The following GRIA2 variants were observed in gnomAD, a reference collection of about 807,000 sequenced individuals.
GRIA2 encodes the protein glutamate ionotropic receptor AMPA type subunit 2.
A neutral mutation model predicts 97.3 loss-of-function variants in GRIA2; 14 were observed. That is an observed-to-expected ratio of 0.14 (90% CI 0.10 to 0.23). The LOEUF is 0.23. Among genes scored for constraint, GRIA2 ranks in the 10% least tolerant of loss-of-function variants. GRIA2 has a pLI of 1.00. For missense variants in GRIA2, 558 were observed against 1,069.8 expected (o/e 0.52, Z 6.67); for synonymous variants, 412 against 387.8 (o/e 1.06, Z -0.73).
intron 6 of GRIA2, among the ~76,000 whole-genome samples, chr4:157,330,139 T>C (rs1345152283): frequency 6.6e-6 from 1 of 151,952 alleles, no homozygotes. Context: ...TCTTGTAACA[T>C]AGACAGAAGA....
At chr4:157,362,566 T>C (rs1736678686) in intron 14 of GRIA2, 1 of 604,746 alleles carries the variant, frequency 1.7e-6, no homozygotes, top group Non-Finnish European at 3.0e-6. Flanking sequence ...TAAATAGAAG[T>C]TTATTCCCTG....
intron 3 of GRIA2, among the ~76,000 whole-genome samples, chr4:157,310,042 T>C (rs983475854): frequency 2.0e-5 from 3 of 152,160 alleles, no homozygotes; most frequent in African/African-American, 7.2e-5. Flanking sequence ...TAGATTTCTT[T>C]TTCTCTTACT....
chr4:157,289,647 G>A (rs1373782660), intron 2 of GRIA2, among the ~76,000 whole-genome samples: 4 of 151,724 alleles, frequency 2.6e-5, no homozygotes, highest in Non-Finnish European at 5.9e-5. Flanking sequence ...GTATAGCAAA[G>A]ATTAAATTTA....
At chr4:157,295,865 A>G (rs1380825741) in intron 2 of GRIA2, among the ~76,000 whole-genome samples, 1 of 152,154 alleles carries the variant, frequency 6.6e-6, no homozygotes, top group Non-Finnish European at 1.5e-5. Context: ...AGGGGAATAA[A>G]TGTCACTTAC....
chr4:157,221,574 G>A lies in GRIA2; in HGVS notation c.89-93G>A. 2.7e-5 allele frequency: 35 copies of A among 1,303,690 alleles called. No individual in the cohort carries two copies. The South Asian group carries it at 4.1e-4, about 15-fold the overall frequency. 80.8% of individuals were successfully genotyped at this position (1,303,690 alleles called of 1,614,324 possible). A position where few individuals can be genotyped will look rare whatever the true frequency, so the allele number is the denominator to read the frequency against. ...TTATTCGGCCTATTCGCGTGAATAAGAGACTCTTGGATTTTTGGGCGCTAG... is the reference window on the plus strand; with the variant it reads ...TTATTCGGCCTATTCGCGTGAATAAAAGACTCTTGGATTTTTGGGCGCTAG... On this transcript the variant is annotated intron_variant, in intron 1 of 15. Coordinates refer to ENST00000264426, the MANE Select transcript of GRIA2 (RefSeq NM_001083619.3).
intron 2 of GRIA2, among the ~76,000 whole-genome samples, chr4:157,266,183 A>T (rs1443928336): frequency 6.6e-6 from 1 of 152,164 alleles, no homozygotes; most frequent in Non-Finnish European, 1.5e-5. Context: ...CTCATAAAAC[A>T]TCCAATAAAA....
chr4:157,307,764 T>C (rs1733905646), intron 3 of GRIA2, among the ~76,000 whole-genome samples: 1 of 152,252 alleles, frequency 6.6e-6, no homozygotes, highest in Admixed American at 6.5e-5. Flanking sequence ...TAGCACTTTA[T>C]ATCTGTATAT....
intron 10 of GRIA2, 67 bp from the exon 11 acceptor site, chr4:157,336,310 G>A (rs1203775416): frequency 1.6e-6 from 2 of 1,261,590 alleles, no homozygotes; most frequent in Non-Finnish European, 2.2e-6. Context: ...TTGATCCAGT[G>A]ACATAACCAC....
intron 6 of GRIA2, among the ~76,000 whole-genome samples, chr4:157,326,837 A>G (rs1264046383): frequency 6.6e-6 from 1 of 152,182 alleles, no homozygotes; most frequent in South Asian, 2.1e-4. Context: ...TTTGAAGAGC[A>G]ACAGGGAACT....
intron 3 of GRIA2, among the ~76,000 whole-genome samples, chr4:157,306,287 G>T (rs1733839775): frequency 3.3e-5 from 5 of 152,134 alleles, no homozygotes; most frequent in Admixed American, 3.3e-4. Context: ...TCTAGTGTGT[G>T]AGGAGAGATA....
Position 157,361,797 on chromosome 4 carries a change from T to C in GRIA2, c.2406+673T>C. The C allele has an allele frequency of 1.6e-6, 1 of 612,064 alleles. No individual in the cohort carries two copies. Among genetic ancestry groups the C allele is most frequent in the South Asian group, 2.1e-5 (1 of 48,114 alleles). 37.9% of individuals were successfully genotyped at this position (612,064 alleles called of 1,614,324 possible). A position where few individuals can be genotyped will look rare whatever the true frequency, so the allele number is the denominator to read the frequency against. ...AGATGCATAATTTGGTAAGATGTTTTGGTAATGCCTGCAGAGTTACTGATT... is the reference window on the plus strand; with the variant it reads ...AGATGCATAATTTGGTAAGATGTTTCGGTAATGCCTGCAGAGTTACTGATT... On this transcript the variant is annotated intron_variant, in intron 14 of 15. Transcript: ENST00000264426. This position sits in a 1 kb window ranked among gnomAD's most constrained non-coding sequence, Gnocchi z 5.2.
At chr4:157,348,638 G>A (rs1191326439) in intron 12 of GRIA2, among the ~76,000 whole-genome samples, 1 of 152,068 alleles carries the variant, frequency 6.6e-6, no homozygotes, top group Non-Finnish European at 1.5e-5. Context: ...TGTCTTTAAA[G>A]GAACAAAGAT....
At chr4:157,235,439 A>G (rs866193185) in intron 2 of GRIA2, among the ~76,000 whole-genome samples, 1 of 152,070 alleles carries the variant, frequency 6.6e-6, no homozygotes, top group Non-Finnish European at 1.5e-5. Context: ...TCTCGGTAAT[A>G]GACATTATTT....
intron 2 of GRIA2, among the ~76,000 whole-genome samples, chr4:157,290,900 C>A (rs1292300805): frequency 1.3e-5 from 2 of 151,728 alleles, no homozygotes; most frequent in Middle Eastern, 3.4e-3. Flanking sequence ...TTTCACCAGT[C>A]GCATTTAATT....
At chr4:157,360,605 A>C in intron 13 of GRIA2, 1 of 434,404 alleles carries the variant, frequency 2.3e-6, no homozygotes, top group Middle Eastern at 3.5e-4. Flanking sequence ...TTTAAGGGAT[A>C]TACTTTGGGG....
At chr4:157,247,194 C>G (rs9307960) in intron 2 of GRIA2, among the ~76,000 whole-genome samples, 52,732 of 152,036 alleles carry the variant, frequency 0.35, 9,561 homozygotes, top group African/African-American at 0.45. Flanking sequence ...CTTGTGCCAG[C>G]CTCTGTTAGG....
intron 12 of GRIA2, among the ~76,000 whole-genome samples, chr4:157,356,081 ATT>A (rs1736341639): frequency 1.7e-5 from 2 of 120,072 alleles, no homozygotes; most frequent in African/African-American, 3.3e-5. Flanking sequence ...ATATTTATTT[ATT>A]TATATATATT....
chr4:157,257,407 G>C (rs1004147834), intron 2 of GRIA2, among the ~76,000 whole-genome samples: 3 of 152,012 alleles, frequency 2.0e-5, no homozygotes, highest in African/African-American at 7.2e-5. Context: ...AAGTGAATGT[G>C]TCTTAAAAAT....
intron 12 of GRIA2, among the ~76,000 whole-genome samples, chr4:157,358,332 A>G (rs982505480): frequency 1.3e-5 from 2 of 152,156 alleles, no homozygotes; most frequent in African/African-American, 4.8e-5. Flanking sequence ...TTAAGAACCT[A>G]CTATGTACAA....
Sources: gnomAD v4.1 joint callset for allele counts (sites outside exome capture counted in the v4.1 genomes callset) on GRCh38, gnomAD v4.1.1 for gene constraint, Gnocchi (gnomAD v3.1) non-coding constraint, MANE v1.5 for transcripts, NCBI Gene and HGNC (gene_info 2026-07-23, HGNC 2026-07-21) for gene names.